Variants in SLIT2 observed in about 807,000 individuals in gnomAD.
SLIT2 encodes slit guidance ligand 2.
In SLIT2, 41 loss-of-function variants were observed where a neutral mutation model predicts 185.7. The observed-to-expected ratio is 0.22, with a 90% CI of 0.17 to 0.29. The LOEUF (loss-of-function observed/expected upper bound fraction) is 0.29. Among genes scored for constraint, SLIT2 ranks in the 10% least tolerant of loss-of-function variants. The probability of loss-of-function intolerance (pLI) is 1.00; values close to 1 mark genes in which losing one functional copy is unlikely to be tolerated. For missense variants in SLIT2, 1,571 were observed against 1,909.0 expected (o/e 0.82, Z 3.30); for synonymous variants, 693 against 680.2 (o/e 1.02, Z -0.29).
chr4:20,462,605 AC>A (rs1713853035), intron 4 of SLIT2, among the ~76,000 whole-genome samples: 5 of 152,142 alleles, frequency 3.3e-5, no homozygotes, highest in Admixed American at 3.3e-4. Context: ...TTCACTGGTG[AC>A]CCACTGACTC....
intron 4 of SLIT2, among the ~76,000 whole-genome samples, chr4:20,447,514 G>A (rs951858848): frequency 1.3e-5 from 2 of 152,154 alleles, no homozygotes; most frequent in Admixed American, 6.5e-5. Flanking sequence ...GAATTTTAAC[G>A]TCTTTTTTTG....
intron 26 of SLIT2, among the ~76,000 whole-genome samples, chr4:20,559,311 G>A (rs1320198150): frequency 6.6e-6 from 1 of 151,950 alleles, no homozygotes; most frequent in Non-Finnish European, 1.5e-5. Context: ...AAGCCAGTTG[G>A]CAAGCAGAGT....
chr4:20,472,638 C>CGATATATATAGATATATCTATATATATA (rs1560455795), intron 5 of SLIT2, among the ~76,000 whole-genome samples: 3 of 34,060 alleles, frequency 8.8e-5, no homozygotes, highest in African/African-American at 2.9e-4. Context: ...CTATATATAT[C>CGATATATATAGATATATCTATATATATA]GATATATATA....
chr4:20,472,285 TAGATATATAGATATATAG>T (rs1560452802), intron 5 of SLIT2, among the ~76,000 whole-genome samples: 2 of 17,894 alleles, frequency 1.1e-4, no homozygotes, highest in Non-Finnish European at 1.8e-4. Context: ...TCTATATATA[TAGATATATAGATATATAG>T]ATCTATATAT....
At chr4:20,550,448 A>C (rs1723638913) in intron 24 of SLIT2, among the ~76,000 whole-genome samples, 1 of 151,578 alleles carries the variant, frequency 6.6e-6, no homozygotes, top group African/African-American at 2.4e-5. Context: ...TCTTATATGG[A>C]ATATTTTATT....
intron 4 of SLIT2, among the ~76,000 whole-genome samples, chr4:20,273,630 A>G (rs1713864313): frequency 6.6e-6 from 1 of 152,178 alleles, no homozygotes; most frequent in African/African-American, 2.4e-5. Context: ...GAAGTGTTTC[A>G]GTAGACATAA....
At chr4:20,575,088 T>C (rs953559146) in intron 29 of SLIT2, among the ~76,000 whole-genome samples, 1 of 152,166 alleles carries the variant, frequency 6.6e-6, no homozygotes, top group Non-Finnish European at 1.5e-5. Flanking sequence ...AAGGTCTGAG[T>C]CTATCTCAGA....
rs184172238 is a variant in SLIT2, at chr4:20,325,605, A to G, written c.395+56724A>G. ...TACCAAAAGAGAGCATACCTAACGCATGTACTTATTTTAAAGCACTGCTTT... is the reference window on the plus strand; with the variant it reads ...TACCAAAAGAGAGCATACCTAACGCGTGTACTTATTTTAAAGCACTGCTTT... On this transcript the variant is annotated intron_variant, in intron 4 of 36. Transcript: ENST00000504154. Among the ~76,000 whole-genome samples the G allele has an allele frequency of 1.5e-3, 223 of 152,272 alleles. 1 individual carries two copies. The highest frequency in any genetic ancestry group is 5.1e-3 in the African/African-American group (211 of 41,568).
At chr4:20,391,960 T>C (rs1029566272) in intron 4 of SLIT2, among the ~76,000 whole-genome samples, 4 of 152,028 alleles carry the variant, frequency 2.6e-5, no homozygotes. Context: ...ATACCAGAGA[T>C]CACTCATCAG....
intron 29 of SLIT2, chr4:20,573,169 C>T: frequency 1.4e-6 from 1 of 702,804 alleles, no homozygotes; most frequent in Non-Finnish European, 2.6e-6. Flanking sequence ...CATTGGCTTC[C>T]TGTGCTCTGC....
chr4:20,618,859 A>T lies in SLIT2; in HGVS notation c.4440A>T (p.Leu1480Phe). The change falls in exon 37 of 37, where the codon TTA becomes TTT. Residue 1480 changes from leucine (L) to phenylalanine (F), a missense_variant. By Grantham distance (22) the Leu-to-Phe change is conservative. Coordinates refer to ENST00000504154, the MANE Select transcript of SLIT2 (RefSeq NM_004787.4). ...ACQTTKKVSR[L>F]ECRGGCAGGQ... is the part of the protein sequence containing the mutation. Reference sequence around the variant, plus strand: ...AAACAACCAAGAAGGTGTCCCGATTAGAGTGCAGAGGTGGGTGTGCAGGAG... The same window carrying T: ...AAACAACCAAGAAGGTGTCCCGATTTGAGTGCAGAGGTGGGTGTGCAGGAG... 5 of 1,614,178 alleles carry T rather than the reference A, an allele frequency of 3.1e-6. No homozygotes were observed. Among genetic ancestry groups the T allele is most frequent in the African/African-American group, 1.3e-5 (1 of 75,070 alleles).
intron 4 of SLIT2, among the ~76,000 whole-genome samples, chr4:20,356,017 T>C (rs553072393): frequency 1.6e-4 from 25 of 152,286 alleles, no homozygotes; most frequent in African/African-American, 5.3e-4. Context: ...TAGAGCCATA[T>C]ATAATATTGT....
intron 25 of SLIT2, among the ~76,000 whole-genome samples, chr4:20,551,538 A>G (rs957451535): frequency 2.6e-5 from 4 of 152,202 alleles, no homozygotes; most frequent in African/African-American, 9.6e-5. Flanking sequence ...GTCAAATTCC[A>G]TGATTTTATT....
Position 20,595,807 on chromosome 4 carries a change from A to C in SLIT2, c.3293A>C (p.Tyr1098Ser), listed in dbSNP as rs1221712736. 5.6e-6 allele frequency: 9 copies of C among 1,614,130 alleles called. No individual in the cohort carries two copies. In the East Asian group the frequency reaches 1.8e-4, roughly 32 times the overall value. ...CACTGCACAGATGCAGTGAACGGCT[A>C]TACGTGCATATGCCCCGAAGGTTAC... Reference protein sequence around the residue: ...GAHCTDAVNGYTCICPEGYSG... With the variant: ...GAHCTDAVNGSTCICPEGYSG... The change falls in exon 31 of 37, where the codon TAT becomes TCT. Residue 1098 changes from tyrosine (Y) to serine (S), a missense_variant. Around this residue, in one of 3 missense-constraint regions of SLIT2, gnomAD observed 1,202 missense variants for 1,416.4 expected, o/e 0.85. Transcript: ENST00000504154.
intron 11 of SLIT2, 64 bp downstream of exon 11, chr4:20,511,201 A>G: frequency 1.1e-6 from 1 of 911,078 alleles, no homozygotes. Flanking sequence ...TACCTTTTTT[A>G]AATTGGGGTT....
chr4:20,519,465 A>T lies in SLIT2; in HGVS notation c.1130+12A>T. 1 of 1,482,254 alleles carries T rather than the reference A, an allele frequency of 6.7e-7. No individual in the cohort carries two copies. The highest frequency in any genetic ancestry group is 9.4e-7 in the Non-Finnish European group (1 of 1,062,712). 91.8% of individuals were successfully genotyped at this position (1,482,254 alleles called of 1,614,324 possible). On this transcript the variant is annotated intron_variant, in intron 12 of 36. Transcript: ENST00000504154. ...TCCTTACAGCTCCTGTAAGTATTTG[A>T]TTGTTTTGGATCTCTCGAGCCTAAT...
At chr4:20,453,444 C>T (rs7694998) in intron 4 of SLIT2, among the ~76,000 whole-genome samples, 13,909 of 152,082 alleles carry the variant, frequency 0.091, 681 homozygotes, top group Non-Finnish European at 0.1. Context: ...GTATGTATTT[C>T]CACATTAAAA....
At chr4:20,454,440 C>G (rs936723870) in intron 4 of SLIT2, among the ~76,000 whole-genome samples, 1 of 152,114 alleles carries the variant, frequency 6.6e-6, no homozygotes, top group Non-Finnish European at 1.5e-5. Flanking sequence ...TCTGTAATGA[C>G]ATTTACAAGT....
At chr4:20,318,673 A>C (rs1390839962) in intron 4 of SLIT2, among the ~76,000 whole-genome samples, 2 of 152,094 alleles carry the variant, frequency 1.3e-5, no homozygotes. Context: ...TACTTGGATA[A>C]TAGCTCACTT....
Sources: allele counts gnomAD v4.1 joint callset (sites outside exome capture counted in the v4.1 genomes callset), GRCh38; gene constraint gnomAD v4.1.1; regional missense constraint gnomAD v4.1.1; transcripts MANE v1.5; gene names NCBI Gene and HGNC (gene_info 2026-07-23, HGNC 2026-07-21).